SH3BGRL: variants seen among roughly 807,000 people sequenced by gnomAD.
SH3BGRL encodes SH3 domain binding glutamate rich protein like.
SH3BGRL carries 7 observed loss-of-function variants against 9.8 expected under a neutral mutation model. The observed-to-expected ratio is 0.72, with a 90% CI of 0.41 to 1.35. The LOEUF is 1.35. SH3BGRL is among the 40% of genes most tolerant of loss of function. SH3BGRL has a pLI of 0.01. For missense variants in SH3BGRL, 73 were observed against 84.4 expected, an observed-to-expected ratio of 0.86 and a Z score of 0.53; for synonymous variants, 36 against 29.1, an observed-to-expected ratio of 1.24 and a Z score of -0.76.
chrX:81,278,986 C>A (rs185019332), intron 3 of SH3BGRL, among the ~76,000 whole-genome samples: 1 of 112,295 alleles, frequency 8.9e-6, no homozygotes, highest in Admixed American at 9.4e-5. Flanking sequence ...AGTGAGATGT[C>A]CCCAAACTAT....
chrX:81,222,978 G>A (rs2075604882), intron 1 of SH3BGRL, among the ~76,000 whole-genome samples: 1 of 111,991 alleles, frequency 8.9e-6, no homozygotes, highest in African/African-American at 3.2e-5. Context: ...CTTCTTTTGA[G>A]AAGTGTCTGT....
At chrX:81,271,130 C>T (rs188196479) in intron 1 of SH3BGRL, among the ~76,000 whole-genome samples, 2 of 111,789 alleles carry the variant, frequency 1.8e-5, no homozygotes, top group African/African-American at 6.5e-5. Flanking sequence ...CAGGAGTGTA[C>T]TTCTCCTCCA....
intron 1 of SH3BGRL, among the ~76,000 whole-genome samples, chrX:81,247,949 G>GT (rs199748209): frequency 0.22 from 22,747 of 103,047 alleles, 2,139 homozygotes; most frequent in East Asian, 0.68. Flanking sequence ...TTGGTTGGAA[G>GT]TTTTTTTTTT....
chrX:81,237,154 C>A, intron 1 of SH3BGRL: 1 of 592,359 alleles, frequency 1.7e-6, no homozygotes, highest in Non-Finnish European at 2.4e-6. Flanking sequence ...TAGAAGACTC[C>A]ACCAATCATC....
chrX:81,219,960 G>A (rs1450554777), intron 1 of SH3BGRL, among the ~76,000 whole-genome samples: 1 of 111,301 alleles, frequency 9.0e-6, no homozygotes, highest in African/African-American at 3.3e-5. Context: ...GCATCCCTGG[G>A]ATAAATTCCA....
chrX:81,265,278 G>C (rs1393665692), intron 1 of SH3BGRL, among the ~76,000 whole-genome samples: 2 of 106,147 alleles, frequency 1.9e-5, no homozygotes, highest in Non-Finnish European at 3.9e-5. Flanking sequence ...TTACAGTTAG[G>C]TATACACGTG....
chrX:81,258,496 C>T (rs965914212), intron 1 of SH3BGRL, among the ~76,000 whole-genome samples: 16 of 112,310 alleles, frequency 1.4e-4, no homozygotes, highest in Admixed American at 1.3e-3. Context: ...ATTTGACTGA[C>T]TTAATTAACA....
chrX:81,223,383 G>A (rs1001109134), intron 1 of SH3BGRL, among the ~76,000 whole-genome samples: 17 of 111,100 alleles, frequency 1.5e-4, no homozygotes, highest in Non-Finnish European at 1.9e-5. Flanking sequence ...GGAAGCAGGG[G>A]AAATCAAGCA....
At chrX:81,215,428 T>A (rs1055483395) in intron 1 of SH3BGRL, among the ~76,000 whole-genome samples, 2 of 110,933 alleles carry the variant, frequency 1.8e-5, no homozygotes, top group Non-Finnish European at 3.8e-5. Flanking sequence ...AGAATATACT[T>A]GTTGCCAGCC....
intron 1 of SH3BGRL, among the ~76,000 whole-genome samples, chrX:81,219,272 AT>A (rs1183234112): frequency 1.8e-5 from 2 of 110,198 alleles, no homozygotes; most frequent in African/African-American, 6.6e-5. Flanking sequence ...ATATATGTAC[AT>A]TTTTTCAGTC....
At chrX:81,256,682 G>A (rs1000648270) in intron 1 of SH3BGRL, among the ~76,000 whole-genome samples, 9 of 112,310 alleles carry the variant, frequency 8.0e-5, no homozygotes, top group African/African-American at 2.9e-4. Context: ...TCAGCCCAGC[G>A]TATTGTAAAC....
At position 81,268,032 on chromosome X, in the gene SH3BGRL, G is replaced by A. The variant is rs1602619563; in HGVS notation, c.46-8952G>A. ...GTGTTTATAGTATTCTCTGATGGTA[G>A]TTTGTATTTCTGTGGGATTGGTGGT... On this transcript the variant is annotated intron_variant, in intron 1 of 3. Transcript: ENST00000373212. 2.7e-5 allele frequency among the ~76,000 whole-genome samples: 3 copies of A among 111,889 alleles called. No individual in the cohort carries two copies. The South Asian group carries it at 1.1e-3, about 41-fold the overall frequency.
intron 1 of SH3BGRL, among the ~76,000 whole-genome samples, chrX:81,261,516 G>A (rs1309962452): frequency 3.6e-5 from 4 of 110,981 alleles, no homozygotes; most frequent in African/African-American, 1.3e-4. Context: ...CTCTGTGATG[G>A]AGGAGCCCAT....
intron 1 of SH3BGRL, among the ~76,000 whole-genome samples, chrX:81,233,390 G>A (rs1425344429): frequency 9.0e-6 from 1 of 111,590 alleles, no homozygotes; most frequent in Non-Finnish European, 1.9e-5. Context: ...CTGGACCACA[G>A]ATTAGAAACC....
At chrX:81,267,787 T>A (rs2075762844) in intron 1 of SH3BGRL, among the ~76,000 whole-genome samples, 1 of 111,189 alleles carries the variant, frequency 9.0e-6, no homozygotes, top group African/African-American at 3.3e-5. Context: ...GAACTACGCA[T>A]GCAATAAAGC....
chrX:81,215,084 T>TA (rs1205514277), intron 1 of SH3BGRL, among the ~76,000 whole-genome samples: 1 of 110,481 alleles, frequency 9.1e-6, no homozygotes, highest in East Asian at 2.9e-4. Context: ...AGAAAGAAGA[T>TA]AAAGAAAGGA....
intron 1 of SH3BGRL, among the ~76,000 whole-genome samples, chrX:81,229,913 A>G (rs1280045262): frequency 8.9e-6 from 1 of 111,875 alleles, no homozygotes; most frequent in African/African-American, 3.3e-5. Flanking sequence ...AGCCCTAGCC[A>G]GGGACCACAA....
intron 1 of SH3BGRL, among the ~76,000 whole-genome samples, chrX:81,211,429 C>CA (rs961012980): frequency 9.1e-5 from 10 of 110,476 alleles, no homozygotes; most frequent in East Asian, 5.7e-4. Context: ...ACTGAAAATA[C>CA]AAAAAAAATT....
chrX:81,226,512 ATATATATATC>A (rs1437855156), intron 1 of SH3BGRL, among the ~76,000 whole-genome samples: 3 of 103,918 alleles, frequency 2.9e-5, no homozygotes, highest in African/African-American at 1.0e-4. Flanking sequence ...ATATATCTAT[ATATATATATC>A]TATATCTCTC....
Sources: gnomAD v4.1 joint callset for allele counts (sites outside exome capture counted in the v4.1 genomes callset) on GRCh38, gnomAD v4.1.1 for gene constraint, MANE v1.5 for transcripts, NCBI Gene and HGNC (gene_info 2026-07-23, HGNC 2026-07-21) for gene names.